KCNIP4: variants seen among roughly 807,000 people sequenced by gnomAD.
KCNIP4 encodes Kv channel-interacting protein 4.
KCNIP4 carries 12 observed loss-of-function variants against 34.0 expected under a neutral mutation model. The ratio of observed to expected loss-of-function variants is 0.35; its 90% CI spans 0.23 to 0.57. The LOEUF is 0.57. Among genes scored for constraint, KCNIP4 ranks in the 20% least tolerant of loss-of-function variants. The pLI, the probability that KCNIP4 is intolerant of heterozygous loss-of-function variation, is 0.83. For synonymous variants in KCNIP4, 124 were observed against 102.2 expected (o/e 1.21, Z -1.29); for missense variants, 238 against 311.7 (o/e 0.76, Z 1.78).
intron 1 of KCNIP4, among the ~76,000 whole-genome samples, chr4:21,359,641 A>G (rs565507299): frequency 6.6e-6 from 1 of 152,254 alleles, no homozygotes; most frequent in African/African-American, 2.4e-5. Context: ...AAGACTGTTT[A>G]AGGTAGTTCC....
intron 1 of KCNIP4, among the ~76,000 whole-genome samples, chr4:21,563,924 C>A (rs1739645888): frequency 6.6e-6 from 1 of 152,016 alleles, no homozygotes. Flanking sequence ...CTTCAGTTAA[C>A]TAAAAGAATC....
chr4:21,222,785 G>T (rs759004968), intron 1 of KCNIP4, among the ~76,000 whole-genome samples: 6 of 151,968 alleles, frequency 3.9e-5, no homozygotes, highest in Admixed American at 6.6e-5. Context: ...TTTAACAGTG[G>T]TTGTACATTT....
In KCNIP4 at chr4:21,094,358, T is replaced by C. The variant is rs148754679; in HGVS notation, c.62-211649A>G. Among the ~76,000 whole-genome samples the C allele has an allele frequency of 2.5e-3, 378 of 152,266 alleles. 5 individuals carry two copies. Among genetic ancestry groups the C allele is most frequent in the Admixed American group, 9.0e-3 (137 of 15,296 alleles). On this transcript the variant is annotated intron_variant, in intron 1 of 8. Coordinates refer to ENST00000382152, the MANE Select transcript of KCNIP4 (RefSeq NM_025221.6). Reference sequence around the variant, plus strand: ...AAGCAAAGAAGGGATTAACATCTAATATGACAAAATGTTAAGATCTGAATT... The same window carrying C: ...AAGCAAAGAAGGGATTAACATCTAACATGACAAAATGTTAAGATCTGAATT...
At chr4:21,456,118 A>T (rs1325633795) in intron 1 of KCNIP4, among the ~76,000 whole-genome samples, 1 of 146,768 alleles carries the variant, frequency 6.8e-6, no homozygotes, top group Admixed American at 6.7e-5. Context: ...AATTTCTTCT[A>T]TGTCTTCTCT....
chr4:21,080,612 T>C (rs1200650649), intron 1 of KCNIP4, among the ~76,000 whole-genome samples: 2 of 151,910 alleles, frequency 1.3e-5, no homozygotes, highest in African/African-American at 4.8e-5. Context: ...CAATGTTTTA[T>C]AGCATGTGAT....
rs143672261 is a variant in KCNIP4, at chr4:21,156,269, C to T, written c.62-273560G>A. 3.8e-3 allele frequency among the ~76,000 whole-genome samples: 578 copies of T among 152,246 alleles called. 7 individuals are homozygous for T. The highest frequency in any genetic ancestry group is 0.011 in the Admixed American group (171 of 15,278). ...GCTGTCTAGCCAGGAACTGCATTTC[C>T]CTGTATCCACACCATTTTGGTGAAT... On this transcript the variant is annotated intron_variant, in intron 1 of 8. Transcript: ENST00000382152.
intron 1 of KCNIP4, among the ~76,000 whole-genome samples, chr4:21,652,078 C>T (rs1747529099): frequency 6.6e-6 from 1 of 152,124 alleles, no homozygotes; most frequent in African/African-American, 2.4e-5. Context: ...TCTAACACTT[C>T]TATATTTATT....
At chr4:21,287,214 G>A (rs1309067002) in intron 1 of KCNIP4, among the ~76,000 whole-genome samples, 1 of 152,136 alleles carries the variant, frequency 6.6e-6, no homozygotes, top group African/African-American at 2.4e-5. Flanking sequence ...TTATTTCATA[G>A]ACTTCTGCAT....
chr4:21,807,161 C>T (rs1053909898), intron 1 of KCNIP4, among the ~76,000 whole-genome samples: 1 of 152,154 alleles, frequency 6.6e-6, no homozygotes, highest in Non-Finnish European at 1.5e-5. Context: ...AATGCTGCCA[C>T]TAATCTGACA....
chr4:21,434,944 G>C (rs1038349490), intron 1 of KCNIP4, among the ~76,000 whole-genome samples: 5 of 152,116 alleles, frequency 3.3e-5, no homozygotes, highest in Non-Finnish European at 1.5e-5. Context: ...ACAGGTCTAA[G>C]AGAAGTAATA....
Position 21,261,706 on chromosome 4 carries a change from T to G in KCNIP4, c.62-378997A>C, listed in dbSNP as rs193122681. Among the ~76,000 whole-genome samples, 5 of 152,292 alleles carry G rather than the reference T, an allele frequency of 3.3e-5. No individual in the cohort carries two copies. In the East Asian group the frequency reaches 9.6e-4, roughly 29 times the overall value. ...TTCTCTCCCTCATACACCTAATCTA[T>G]TAAGTCCTATTGGCTCTACGTCTAC... is the stretch of plus-strand genomic sequence containing the variant. On this transcript the variant is annotated intron_variant, in intron 1 of 8. Transcript: ENST00000382152.
At chr4:20,748,997 A>T (rs1212231937) in intron 5 of KCNIP4, among the ~76,000 whole-genome samples, 1 of 151,534 alleles carries the variant, frequency 6.6e-6, no homozygotes, top group African/African-American at 2.4e-5. Context: ...CATGAAGGAA[A>T]TTAAATACTT....
intron 1 of KCNIP4, among the ~76,000 whole-genome samples, chr4:21,015,108 G>A (rs1037289071): frequency 5.9e-5 from 9 of 151,886 alleles, no homozygotes; most frequent in Non-Finnish European, 8.8e-5. Flanking sequence ...GTAGGATAGT[G>A]GTGATAAGGA....
chr4:21,110,412 T>G (rs1011537088), intron 1 of KCNIP4, among the ~76,000 whole-genome samples: 1 of 152,316 alleles, frequency 6.6e-6, no homozygotes, highest in Non-Finnish European at 1.5e-5. Context: ...TTGCAGAAAC[T>G]TAAAAGAAAA....
intron 1 of KCNIP4, among the ~76,000 whole-genome samples, chr4:21,192,964 A>C (rs1429933679): frequency 1.5e-5 from 2 of 137,592 alleles, no homozygotes; most frequent in South Asian, 2.5e-4. Context: ...AATAATAATA[A>C]TAATTAGTTG....
At chr4:21,442,142 C>T (rs1218792307) in intron 1 of KCNIP4, among the ~76,000 whole-genome samples, 3 of 152,160 alleles carry the variant, frequency 2.0e-5, no homozygotes, top group Non-Finnish European at 2.9e-5. Flanking sequence ...GCACTACTAT[C>T]TTCACCTCCA....
At chr4:21,155,913 T>C (rs974889337) in intron 1 of KCNIP4, among the ~76,000 whole-genome samples, 3 of 152,132 alleles carry the variant, frequency 2.0e-5, no homozygotes, top group African/African-American at 4.8e-5. Flanking sequence ...ATTTTCTATA[T>C]TGTACACTTA....
chr4:21,243,800 A>T (rs991815367), intron 1 of KCNIP4, among the ~76,000 whole-genome samples: 2 of 152,112 alleles, frequency 1.3e-5, no homozygotes, highest in African/African-American at 4.8e-5. Flanking sequence ...CAAAACCAAA[A>T]ATCAACAAAA....
At chr4:21,186,592 T>C (rs779733241) in intron 1 of KCNIP4, among the ~76,000 whole-genome samples, 3 of 152,224 alleles carry the variant, frequency 2.0e-5, no homozygotes, top group Non-Finnish European at 4.4e-5. Flanking sequence ...GCATCACTTA[T>C]GCATTTAAAG....
Sources: gnomAD v4.1 joint callset for allele counts (sites outside exome capture counted in the v4.1 genomes callset) on GRCh38, gnomAD v4.1.1 for gene constraint, MANE v1.5 for transcripts, NCBI Gene and HGNC (gene_info 2026-07-23, HGNC 2026-07-21) for gene names.